The following DLG2 variants were observed in gnomAD, a reference collection of about 807,000 sequenced individuals.
The protein encoded by DLG2 is disks large homolog 2.
Under a neutral mutation model 132.5 loss-of-function variants are expected in DLG2, and 45 were observed. That is an observed-to-expected ratio of 0.34 (90% CI 0.27 to 0.44). The LOEUF is 0.44. DLG2 is among the 20% of genes least tolerant of loss of function. The pLI, the probability that DLG2 is intolerant of heterozygous loss-of-function variation, is 1.00. For missense variants in DLG2, 1,045 were observed against 1,196.9 expected (o/e 0.87, Z 1.87); for synonymous variants, 424 against 419.6 (o/e 1.01, Z -0.13).
chr11:85,465,934 T>C (rs1420676289), intron 3 of DLG2, among the ~76,000 whole-genome samples: 1 of 152,078 alleles, frequency 6.6e-6, no homozygotes, highest in Non-Finnish European at 1.5e-5. Context: ...AGTGTAAAAG[T>C]GTTCCCATTT....
intron 6 of DLG2, among the ~76,000 whole-genome samples, chr11:84,798,793 T>C (rs968411772): frequency 2.0e-5 from 3 of 152,160 alleles, no homozygotes; most frequent in Non-Finnish European, 4.4e-5. Flanking sequence ...AGGTGACATA[T>C]ACTGCCAGGA....
At chr11:84,016,411 TA>T (rs1184530146) in intron 11 of DLG2, among the ~76,000 whole-genome samples, 5 of 152,158 alleles carry the variant, frequency 3.3e-5, no homozygotes, top group Admixed American at 6.6e-5. Flanking sequence ...GTCTTCATCA[TA>T]AAATGTTTCC....
chr11:84,996,835 T>G (rs1183420826), intron 6 of DLG2, among the ~76,000 whole-genome samples: 1 of 152,184 alleles, frequency 6.6e-6, no homozygotes, highest in Non-Finnish European at 1.5e-5. Context: ...GGAAGAAAGC[T>G]TTAAAATAAT....
At chr11:84,227,972 A>T (rs2097030077) in intron 8 of DLG2, among the ~76,000 whole-genome samples, 1 of 152,112 alleles carries the variant, frequency 6.6e-6, no homozygotes, top group Non-Finnish European at 1.5e-5. Flanking sequence ...TCACACCACA[A>T]AATCTGGACT....
chr11:85,311,024 C>T (rs1470573709), intron 3 of DLG2, among the ~76,000 whole-genome samples: 5 of 152,152 alleles, frequency 3.3e-5, no homozygotes, highest in African/African-American at 7.2e-5. Context: ...GACAAACCTG[C>T]CCCCACAGTC....
intron 6 of DLG2, among the ~76,000 whole-genome samples, chr11:84,984,950 T>C (rs2056285981): frequency 6.6e-6 from 1 of 152,128 alleles, no homozygotes. Flanking sequence ...CTCCTAAATA[T>C]ATGCAGCTAA....
At chr11:84,572,510 C>T (rs1165991982) in intron 6 of DLG2, among the ~76,000 whole-genome samples, 1 of 152,122 alleles carries the variant, frequency 6.6e-6, no homozygotes, top group Non-Finnish European at 1.5e-5. Context: ...TTTAGGCCCA[C>T]AGGCTTTAAA....
intron 7 of DLG2, among the ~76,000 whole-genome samples, chr11:84,445,194 T>A (rs2099029909): frequency 6.6e-6 from 1 of 152,200 alleles, no homozygotes; most frequent in African/African-American, 2.4e-5. Context: ...ACCATTATCA[T>A]TTTTTGTTAT....
intron 7 of DLG2, among the ~76,000 whole-genome samples, chr11:84,283,077 C>T (rs922491699): frequency 3.3e-5 from 5 of 152,104 alleles, no homozygotes; most frequent in African/African-American, 4.8e-5. Context: ...AGGGTGAGGT[C>T]CTCTATCCTA....
chr11:83,874,584 C>A, intron 15 of DLG2, 96 bp from the exon 16 acceptor site: 1 of 895,232 alleles, frequency 1.1e-6, no homozygotes, highest in East Asian at 3.0e-5. Context: ...ATGTGCACAA[C>A]GTGCAGGTTA....
In DLG2 at chr11:84,099,250, G is replaced by A. The variant is rs118048432; in HGVS notation, c.625-203C>T. 1.0e-2 allele frequency among the ~76,000 whole-genome samples: 1,512 copies of A among 151,838 alleles called. 11 individuals are homozygous for A. Among genetic ancestry groups the A allele is most frequent in the Non-Finnish European group, 0.015 (996 of 68,000 alleles). On this transcript the variant is annotated intron_variant, in intron 9 of 27. Transcript: ENST00000376104. ...TTATTCCTGCACTGTAAGAATGCAA[G>A]AGCATTATATTTTTCTTTTAAAAAT...
At chr11:85,601,049 T>C (rs1435104758) in intron 2 of DLG2, among the ~76,000 whole-genome samples, 1 of 152,198 alleles carries the variant, frequency 6.6e-6, no homozygotes, top group African/African-American at 2.4e-5. Flanking sequence ...ATGTAGCTTA[T>C]CCACCGCACA....
intron 10 of DLG2, among the ~76,000 whole-genome samples, chr11:84,061,212 A>G (rs1376270426): frequency 6.6e-5 from 10 of 152,204 alleles, no homozygotes; most frequent in African/African-American, 2.4e-4. Context: ...GCCTTATTAT[A>G]TTCTCATCTG....
chr11:84,283,076 T>C (rs977005131), intron 7 of DLG2, among the ~76,000 whole-genome samples: 1 of 152,154 alleles, frequency 6.6e-6, no homozygotes, highest in African/African-American at 2.4e-5. Context: ...GAGGGTGAGG[T>C]CCTCTATCCT....
chr11:83,633,309 C>T lies in DLG2; in HGVS notation c.1842G>A (p.Glu614=). 2.5e-6 allele frequency: 4 copies of T among 1,613,476 alleles called. No individual in the cohort carries two copies. Among genetic ancestry groups the T allele is most frequent in the Non-Finnish European group, 3.4e-6 (4 of 1,179,656 alleles). ...GCTCTCGTAGGTCATGGATTTTGGC[C>T]TCAAATCGAGCGTAATCTGGGAATG... ...QYQPEDYARF[E]AKIHDLREQM... The change falls in exon 19 of 28, where the codon GAG becomes GAA. Residue 614 remains glutamate (E), a synonymous_variant. Coordinates refer to ENST00000376104, the MANE Select transcript of DLG2 (RefSeq NM_001142699.3).
intron 6 of DLG2, among the ~76,000 whole-genome samples, chr11:84,539,057 A>C (rs911417379): frequency 6.6e-6 from 1 of 152,140 alleles, no homozygotes; most frequent in Admixed American, 6.6e-5. Context: ...TAATCCTAAC[A>C]CTAATGCAAT....
intron 7 of DLG2, among the ~76,000 whole-genome samples, chr11:84,504,474 T>C (rs2099232517): frequency 6.6e-6 from 1 of 152,208 alleles, no homozygotes; most frequent in Non-Finnish European, 1.5e-5. Context: ...GTTCAGCATG[T>C]AAAACCTTAT....
At chr11:83,477,761 T>A (rs2092735208) in intron 22 of DLG2, among the ~76,000 whole-genome samples, 1 of 152,078 alleles carries the variant, frequency 6.6e-6, no homozygotes, top group Non-Finnish European at 1.5e-5. Flanking sequence ...TGTATTTGTT[T>A]ATACTATTTT....
At chr11:83,597,665 G>A (rs554623209) in intron 19 of DLG2, among the ~76,000 whole-genome samples, 1 of 151,806 alleles carries the variant, frequency 6.6e-6, no homozygotes, top group South Asian at 2.1e-4. Flanking sequence ...GTGTTCCTTA[G>A]TCCTAGCTAC....
Sources: gnomAD v4.1 joint callset for allele counts (sites outside exome capture counted in the v4.1 genomes callset) on GRCh38, gnomAD v4.1.1 for gene constraint, MANE v1.5 for transcripts, NCBI Gene and HGNC (gene_info 2026-07-23, HGNC 2026-07-21) for gene names.